Variants in TMTC2 observed in about 807,000 individuals in gnomAD.
The protein encoded by TMTC2 is protein O-mannosyl-transferase TMTC2.
TMTC2 carries 43 observed loss-of-function variants against 82.4 expected under a neutral mutation model. That is an observed-to-expected ratio of 0.52 (90% CI 0.41 to 0.67). The LOEUF is 0.67. Ranked by LOEUF, TMTC2 falls within the 30% of genes least tolerant of loss-of-function variation. TMTC2 has a pLI of 0.00. For synonymous variants in TMTC2, 408 were observed against 381.9 expected, an observed-to-expected ratio of 1.07 and a Z score of -0.80; for missense variants, 919 against 1,012.4, an observed-to-expected ratio of 0.91 and a Z score of 1.25.
At chr12:82,801,433 G>A (rs902959105) in intron 1 of TMTC2, among the ~76,000 whole-genome samples, 2 of 152,098 alleles carry the variant, frequency 1.3e-5, no homozygotes, top group African/African-American at 4.8e-5. Context: ...GGGGACCCAA[G>A]CGGGTTGCCA....
At chr12:82,965,167 TC>T in intron 5 of TMTC2, 58 bp downstream of exon 5, 1 of 1,292,508 alleles carries the variant, frequency 7.7e-7, no homozygotes, top group Non-Finnish European at 1.1e-6. Flanking sequence ...GAAAATTAAC[TC>T]TAATTTACAG....
intron 8 of TMTC2, among the ~76,000 whole-genome samples, chr12:83,022,402 C>T (rs1369785169): frequency 1.5e-5 from 2 of 133,060 alleles, no homozygotes; most frequent in African/African-American, 2.8e-5. Flanking sequence ...TGCTCTCTTC[C>T]GCATTATTTT....
At chr12:83,085,433 A>T (rs1049532711) in intron 11 of TMTC2, among the ~76,000 whole-genome samples, 1 of 152,198 alleles carries the variant, frequency 6.6e-6, no homozygotes, top group African/African-American at 2.4e-5. Context: ...TACATCCAAG[A>T]TTTTTCTTTC....
chr12:82,693,175 G>C (rs1872648959), intron 1 of TMTC2, among the ~76,000 whole-genome samples: 1 of 152,140 alleles, frequency 6.6e-6, no homozygotes, highest in African/African-American at 2.4e-5. Flanking sequence ...AATGCTGATA[G>C]GTTGACCTCT....
intron 1 of TMTC2, among the ~76,000 whole-genome samples, chr12:82,702,941 G>A (rs1426178931): frequency 6.6e-6 from 1 of 152,162 alleles, no homozygotes; most frequent in Non-Finnish European, 1.5e-5. Flanking sequence ...GGGCCTGGGG[G>A]ATCGAGGCTG....
intron 7 of TMTC2, among the ~76,000 whole-genome samples, chr12:82,984,520 A>C (rs561184679): frequency 1.3e-5 from 2 of 152,250 alleles, no homozygotes; most frequent in Non-Finnish European, 1.5e-5. Context: ...AAAACTATAC[A>C]TCCAATGTGG....
Position 83,004,722 on chromosome 12 carries a change from A to ATTTTTTT in TMTC2, c.2070+18715_2070+18721dup, listed in dbSNP as rs528076999. Among the ~76,000 whole-genome samples the ATTTTTTT allele has an allele frequency of 2.3e-3, 84 of 36,032 alleles. 19 individuals are homozygous for ATTTTTTT. Among genetic ancestry groups the ATTTTTTT allele is most frequent in the East Asian group, 0.016 (12 of 744 alleles). 23.6% of individuals were successfully genotyped at this position (36,032 alleles called of 152,430 possible). On this transcript the variant is annotated intron_variant, in intron 8 of 11. Transcript: ENST00000321196. Reference sequence around the variant, plus strand: ...TTCACAGGCAGTGTATACTGGCCGAATTTTTTTTTTTTTTTTTTTTTTTTT... The same window carrying ATTTTTTT: ...TTCACAGGCAGTGTATACTGGCCGAATTTTTTTTTTTTTTTTTTTTTTTTTTTTTTTT...
intron 11 of TMTC2, among the ~76,000 whole-genome samples, chr12:83,116,756 G>GT (rs1256989999): frequency 6.6e-6 from 1 of 152,044 alleles, no homozygotes; most frequent in Non-Finnish European, 1.5e-5. Flanking sequence ...GTCTATTCAT[G>GT]TCCTTAGCCC....
chr12:82,875,084 A>G (rs1158457334), intron 2 of TMTC2, among the ~76,000 whole-genome samples: 2 of 152,144 alleles, frequency 1.3e-5, no homozygotes, highest in African/African-American at 4.8e-5. Flanking sequence ...TGCTGTTTAT[A>G]CTGCAGACAA....
intron 11 of TMTC2, among the ~76,000 whole-genome samples, chr12:83,090,643 T>C (rs773622641): frequency 6.6e-6 from 1 of 152,162 alleles, no homozygotes; most frequent in Non-Finnish European, 1.5e-5. Context: ...GTCTTCCCCC[T>C]CCTCATCTTT....
intron 8 of TMTC2, among the ~76,000 whole-genome samples, chr12:83,010,195 T>G (rs143684969): frequency 6.6e-6 from 1 of 152,326 alleles, no homozygotes; most frequent in African/African-American, 2.4e-5. Context: ...TTTTTTTATC[T>G]CAATCTGAAA....
intron 1 of TMTC2, among the ~76,000 whole-genome samples, chr12:82,836,935 C>G (rs1322205981): frequency 6.6e-6 from 1 of 152,130 alleles, no homozygotes; most frequent in Non-Finnish European, 1.5e-5. Flanking sequence ...CAAGCCTACT[C>G]AAAATATTTT....
chr12:82,746,264 A>G (rs934362014), intron 1 of TMTC2, among the ~76,000 whole-genome samples: 2 of 152,176 alleles, frequency 1.3e-5, no homozygotes, highest in African/African-American at 4.8e-5. Flanking sequence ...TATTGAGACA[A>G]CTAACATCAA....
chr12:83,082,623 A>G (rs1883510307), intron 11 of TMTC2, among the ~76,000 whole-genome samples: 1 of 152,224 alleles, frequency 6.6e-6, no homozygotes, highest in African/African-American at 2.4e-5. Context: ...ATAAATCTTA[A>G]TCATGAAATG....
At chr12:82,996,246 TC>T (rs1287145855) in intron 8 of TMTC2, among the ~76,000 whole-genome samples, 1 of 152,206 alleles carries the variant, frequency 6.6e-6, no homozygotes, top group Non-Finnish European at 1.5e-5. Flanking sequence ...ATAGTTTTCC[TC>T]AAATGTGAAG....
intron 8 of TMTC2, among the ~76,000 whole-genome samples, chr12:82,993,963 G>T (rs1218084042): frequency 6.8e-6 from 1 of 147,248 alleles, no homozygotes; most frequent in African/African-American, 2.7e-5. Context: ...CTGAATGCTT[G>T]CAGACAGGAT....
intron 11 of TMTC2, among the ~76,000 whole-genome samples, chr12:83,069,968 T>C (rs1010920115): frequency 1.3e-5 from 2 of 152,134 alleles, no homozygotes; most frequent in African/African-American, 4.8e-5. Flanking sequence ...CTTTATGTTT[T>C]TGTTTGCTTT....
intron 3 of TMTC2, among the ~76,000 whole-genome samples, chr12:82,915,526 G>A (rs916344772): frequency 1.3e-5 from 2 of 152,158 alleles, no homozygotes; most frequent in South Asian, 2.1e-4. Flanking sequence ...AACTAACCTC[G>A]GGCCTCGGGC....
At chr12:83,112,786 A>G (rs1884638117) in intron 11 of TMTC2, among the ~76,000 whole-genome samples, 1 of 152,182 alleles carries the variant, frequency 6.6e-6, no homozygotes, top group Non-Finnish European at 1.5e-5. Context: ...ACATGTGGCC[A>G]AGCTTTAGTA....
Sources: gnomAD v4.1 joint callset for allele counts (sites outside exome capture counted in the v4.1 genomes callset) on GRCh38, gnomAD v4.1.1 for gene constraint, MANE v1.5 for transcripts, NCBI Gene and HGNC (gene_info 2026-07-23, HGNC 2026-07-21) for gene names.